COQ6: variants seen among roughly 807,000 people sequenced by gnomAD.
COQ6 encodes ubiquinone biosynthesis monooxygenase COQ6, mitochondrial.
A neutral mutation model predicts 55.5 loss-of-function variants in COQ6; 45 were observed. That is an observed-to-expected ratio of 0.81 (90% CI 0.64 to 1.04). COQ6 has a LOEUF of 1.04. COQ6 is among the 50% of genes least tolerant of loss of function. The probability of loss-of-function intolerance (pLI) is 0.00; values close to 1 mark genes in which losing one functional copy is unlikely to be tolerated. For synonymous variants in COQ6, 206 were observed against 230.5 expected (o/e 0.89, Z 0.96); for missense variants, 550 against 601.3 (o/e 0.91, Z 0.89).
In COQ6 at chr14:73,958,834, G is replaced by T. The variant is rs780742803; in HGVS notation, c.613-137G>T. 3.2e-6 allele frequency: 5 copies of T among 1,539,014 alleles called. No homozygotes were observed. The South Asian group carries it at 6.0e-5, about 18-fold the overall frequency. ...TGCAGGGGCTCCACCTCTAGGGGCT[G>T]TGAGTGAAGCAGGCCTGATGGAATT... is the stretch of plus-strand genomic sequence containing the variant. On this transcript the variant is annotated intron_variant, in intron 5 of 11. Transcript: ENST00000334571.
At position 73,958,367 on chromosome 14, in the gene COQ6, G is replaced by GT. The variant is rs1406122712; in HGVS notation, c.612+93dup. 2.5e-6 allele frequency: 4 copies of GT among 1,596,646 alleles called. No individual in the cohort carries two copies. In the East Asian group the frequency reaches 6.8e-5, roughly 27 times the overall value. ...ACTCTGGTTTTCGATTTAAGCTATA[G>GT]TTTAATTTTAGGCAAAACTTTTGGT... On this transcript the variant is annotated intron_variant, in intron 5 of 11. Transcript: ENST00000334571.
Position 73,958,278 on chromosome 14 carries a change from G to A in COQ6, c.612+1G>A. Reference sequence around the variant, plus strand: ...CAGCACCTTCCAGACCAAATTGTTGGTAGTTGAAGATTCTTATTTTGCTAG... The same window carrying A: ...CAGCACCTTCCAGACCAAATTGTTGATAGTTGAAGATTCTTATTTTGCTAG... On this transcript the variant is annotated splice_donor_variant, in intron 5 of 11. Coordinates refer to ENST00000334571, the MANE Select transcript of COQ6 (RefSeq NM_182476.3). LOFTEE classifies it high-confidence loss of function. 6.2e-7 allele frequency: 1 copy of A among 1,614,040 alleles called. No individual in the cohort carries two copies. The highest frequency in any genetic ancestry group is 1.3e-5 in the African/African-American group (1 of 75,054).
At chr14:73,954,221 C>G (rs1393983405) in intron 2 of COQ6, among the ~76,000 whole-genome samples, 2 of 152,190 alleles carry the variant, frequency 1.3e-5, no homozygotes, top group Admixed American at 6.5e-5. Flanking sequence ...CATTGGTTTC[C>G]CACTTTACTG....
intron 1 of COQ6, among the ~76,000 whole-genome samples, chr14:73,951,150 C>T (rs2140358373): frequency 6.6e-6 from 1 of 152,248 alleles, no homozygotes; most frequent in African/African-American, 2.4e-5. Flanking sequence ...GAATGCGCCA[C>T]CACTCGGCTG....
chr14:73,954,294 T>C (rs2056316430), intron 2 of COQ6, among the ~76,000 whole-genome samples: 1 of 152,172 alleles, frequency 6.6e-6, no homozygotes, highest in South Asian at 2.1e-4. Context: ...TTCAGTGCTA[T>C]GAAGAGCTAA....
intron 1 of COQ6, among the ~76,000 whole-genome samples, chr14:73,951,323 C>T (rs1284352450): frequency 6.6e-6 from 1 of 151,454 alleles, no homozygotes; most frequent in Non-Finnish European, 1.5e-5. Flanking sequence ...GTATAAGTCC[C>T]TTATCTGATA....
intron 5 of COQ6, 200 bp from the exon 6 acceptor site, chr14:73,958,771 T>C: frequency 2.0e-6 from 3 of 1,484,572 alleles, no homozygotes; most frequent in Non-Finnish European, 2.7e-6. Context: ...TTCAGTCATG[T>C]CCAGCTTTGG....
At chr14:73,962,929 T>G in intron 11 of COQ6, 41 bp from the exon 12 acceptor site, 2 of 1,504,770 alleles carry the variant, frequency 1.3e-6, no homozygotes, top group Non-Finnish European at 1.9e-6. Context: ...TTCTTCACCT[T>G]ACTGTGTTAA....
At chr14:73,956,034 T>C in intron 4 of COQ6, 106 bp downstream of exon 4, 1 of 1,537,664 alleles carries the variant, frequency 6.5e-7, no homozygotes, top group East Asian at 2.3e-5. Flanking sequence ...CATAAAGAAA[T>C]CCTCTGATGG....
chr14:73,955,654 A>G (rs973241130), intron 3 of COQ6, 145 bp downstream of exon 3: 2 of 1,391,154 alleles, frequency 1.4e-6, no homozygotes, highest in Middle Eastern at 1.8e-4. Flanking sequence ...AAGCATTCCC[A>G]GGAGAATTTT....
chr14:73,957,635 G>T (rs1183976390), intron 4 of COQ6, among the ~76,000 whole-genome samples: 1 of 152,088 alleles, frequency 6.6e-6, no homozygotes, highest in Non-Finnish European at 1.5e-5. Context: ...TTACCATGTT[G>T]CTCAGGCTGG....
At chr14:73,953,308 A>C (rs1411894623) in intron 1 of COQ6, 127 bp from the exon 2 acceptor site, 1 of 849,554 alleles carries the variant, frequency 1.2e-6, no homozygotes, top group Non-Finnish European at 2.0e-6. Flanking sequence ...CTGCATGGGT[A>C]TAGTGTTTAT....
At position 73,963,203 on chromosome 14, in the gene COQ6, G is replaced by T; in HGVS notation, c.*204G>T. 1.7e-6 allele frequency: 1 copy of T among 601,286 alleles called. No homozygotes were observed. The highest frequency in any genetic ancestry group is 3.0e-6 in the Non-Finnish European group (1 of 336,874). The allele number at this position is 601,286 out of a possible 1,614,324, so 37.2% of individuals were successfully genotyped here. A position where few individuals can be genotyped will look rare whatever the true frequency, so the allele number is the denominator to read the frequency against. On this transcript the variant is annotated 3_prime_UTR_variant, in exon 12 of 12. Coordinates refer to ENST00000334571, the MANE Select transcript of COQ6 (RefSeq NM_182476.3). ...GGAGCGTATATTAGCCAGACCAAAGGAAAAAACTTCGAAGGAAGACTTACA... is the reference window on the plus strand; with the variant it reads ...GGAGCGTATATTAGCCAGACCAAAGTAAAAAACTTCGAAGGAAGACTTACA...
chr14:73,950,170 G>T (rs774458748), upstream of COQ6: 1 of 1,577,298 alleles, frequency 6.3e-7, no homozygotes, highest in South Asian at 1.1e-5. Flanking sequence ...CATCCCGCCC[G>T]AGGAGGCAAG....
chr14:73,958,425 A>G, intron 5 of COQ6, 148 bp downstream of exon 5: 4 of 1,510,600 alleles, frequency 2.6e-6, no homozygotes, highest in Non-Finnish European at 3.5e-6. Context: ...GGCCAGCTCA[A>G]GTGGAGATGG....
At chr14:73,956,307 G>A (rs552439000) in intron 4 of COQ6, 93 of 177,966 alleles carry the variant, frequency 5.2e-4, no homozygotes, top group Middle Eastern at 2.6e-3. Flanking sequence ...CAGCCTGGGC[G>A]ACAGAGCAAG....
At chr14:73,960,958 G>A in intron 8 of COQ6, 1 of 649,176 alleles carries the variant, frequency 1.5e-6, no homozygotes, top group Non-Finnish European at 2.7e-6. Context: ...GTAGGCAGGG[G>A]CCAGCTCATG....
At chr14:73,960,912 T>C in intron 8 of COQ6, 1 of 563,994 alleles carries the variant, frequency 1.8e-6, no homozygotes, top group Non-Finnish European at 3.2e-6. Context: ...TGCGTGGTTA[T>C]TGAGGGTGGG....
At chr14:73,951,296 A>G (rs2056180911) in intron 1 of COQ6, among the ~76,000 whole-genome samples, 2 of 148,620 alleles carry the variant, frequency 1.3e-5, no homozygotes, top group African/African-American at 5.0e-5. Context: ...CTGCCTGGCC[A>G]TTATTTTGTT....
Sources: allele counts gnomAD v4.1 joint callset (sites outside exome capture counted in the v4.1 genomes callset), GRCh38; gene constraint gnomAD v4.1.1; transcripts MANE v1.5; gene names NCBI Gene and HGNC (gene_info 2026-07-23, HGNC 2026-07-21).